DLK1: variants seen among roughly 807,000 people sequenced by gnomAD.
DLK1 encodes delta like non-canonical Notch ligand 1.
Under a neutral mutation model 35.2 loss-of-function variants are expected in DLK1, and 9 were observed. The observed-to-expected ratio is 0.26, with a 90% CI of 0.15 to 0.45. The LOEUF (loss-of-function observed/expected upper bound fraction) is 0.45. Ranked by LOEUF, DLK1 falls within the 20% of genes least tolerant of loss-of-function variation. DLK1 has a pLI of 1.00. For missense variants in DLK1, 522 were observed against 528.5 expected (o/e 0.99, Z 0.12); for synonymous variants, 231 against 228.4 (o/e 1.01, Z -0.10).
chr14:100,730,811 C>T (rs533983042), intron 3 of DLK1, among the ~76,000 whole-genome samples: 10 of 152,338 alleles, frequency 6.6e-5, no homozygotes, highest in South Asian at 2.1e-4. Flanking sequence ...TGCACCAAGC[C>T]GGGCTTCCAT....
At chr14:100,728,345 CT>C in intron 1 of DLK1, 50 bp from the exon 2 acceptor site, 1 of 1,607,770 alleles carries the variant, frequency 6.2e-7, no homozygotes, top group Non-Finnish European at 8.5e-7. Context: ...CAGCCTTTGC[CT>C]TGGCCTGGGG....
At chr14:100,731,899 G>A (rs2036511154) in intron 3 of DLK1, 143 bp from the exon 4 acceptor site, 1 of 1,042,742 alleles carries the variant, frequency 9.6e-7, no homozygotes. Context: ...TCACTTCATG[G>A]GTTTTTTTGA....
intron 1 of DLK1, among the ~76,000 whole-genome samples, chr14:100,727,536 C>T (rs1287636420): frequency 6.6e-6 from 1 of 152,126 alleles, no homozygotes; most frequent in African/African-American, 2.4e-5. Flanking sequence ...ACGACTTTGC[C>T]GTCTTAGCCC....
intron 1 of DLK1, 83 bp downstream of exon 1, chr14:100,727,218 C>G (rs1009062467): frequency 6.4e-5 from 89 of 1,386,174 alleles, no homozygotes; most frequent in African/African-American, 1.0e-4. Flanking sequence ...CCGCACGCCC[C>G]GTCTCGTGAG....
chr14:100,732,296 G>C, intron 4 of DLK1, 113 bp downstream of exon 4: 1 of 1,475,532 alleles, frequency 6.8e-7, no homozygotes, highest in Non-Finnish European at 9.1e-7. Flanking sequence ...TGAAGTAAGC[G>C]CTCATCCTGG....
rs1470857211 is a variant in DLK1, at chr14:100,737,635, A to C, written c.*2739A>C. 1 of 153,054 alleles carries C rather than the reference A, an allele frequency of 6.5e-6. No individual in the cohort carries two copies. Among genetic ancestry groups the C allele is most frequent in the Non-Finnish European group, 1.5e-5 (1 of 68,766 alleles). 9.5% of individuals were successfully genotyped at this position (153,054 alleles called of 1,614,324 possible). ...AGGCAGTGTGCGGAAGCTGCAGGGC[A>C]GGCAGGACGAGGGGGCAGTCTGGAG... On this transcript the variant is annotated 3_prime_UTR_variant, in exon 5 of 5. Transcript: ENST00000341267.
chr14:100,734,433 G>A lies in DLK1; in HGVS notation c.689G>A (p.Ser230Asn). Reference protein sequence around the residue: ...GGTCLQHTQVSYECLCKPEFT... With the variant: ...GGTCLQHTQVNYECLCKPEFT... The stretch of plus-strand genomic sequence containing the variant: ...ACCTGCCTGCAGCACACCCAGGTGA[G>A]CTACGAGTGTCTGTGCAAGCCCGAG... Residue 230 changes from serine (S) to asparagine (N), a missense_variant, in exon 5 of 5, where the codon AGC (serine) becomes AAC (asparagine). By Grantham distance (46) the Ser-to-Asn change is conservative (BLOSUM62 1). Coordinates refer to ENST00000341267, the MANE Select transcript of DLK1 (RefSeq NM_003836.7). This position sits in a 1 kb window ranked among gnomAD's most constrained non-coding sequence, Gnocchi z 7.4. 1 of 1,612,104 alleles carries A rather than the reference G, an allele frequency of 6.2e-7. No individual in the cohort carries two copies. Among genetic ancestry groups the A allele is most frequent in the Non-Finnish European group, 8.5e-7 (1 of 1,179,186 alleles).
chr14:100,734,573 G>T lies in DLK1; in HGVS notation c.829G>T (p.Val277Leu). 10 of 1,613,622 alleles carry T rather than the reference G, an allele frequency of 6.2e-6. No homozygotes were observed. Among genetic ancestry groups the T allele is most frequent in the Non-Finnish European group, 8.5e-6 (10 of 1,180,008 alleles). The change falls in exon 5 of 5, where the codon GTG becomes TTG. Residue 277 changes from valine (V) to leucine (L), a missense_variant. Physicochemically the swap from Val to Leu is conservative, Grantham distance 32 (BLOSUM62 1). Coordinates refer to ENST00000341267, the MANE Select transcript of DLK1 (RefSeq NM_003836.7). The surrounding 1 kb of genome is among the most constrained non-coding windows in gnomAD (Gnocchi z 7.4). ...GACCCCTGGGGTGCACGAGCTGCCGGTGCAGCAGCCGGAGCACCGCATCCT... is the reference window on the plus strand; with the variant it reads ...GACCCCTGGGGTGCACGAGCTGCCGTTGCAGCAGCCGGAGCACCGCATCCT... ...RLTPGVHELPVQQPEHRILKV... is the reference protein window; with the variant it reads ...RLTPGVHELPLQQPEHRILKV...
chr14:100,734,298 G>T lies in DLK1; in HGVS notation c.554G>T (p.Cys185Phe). Reference protein sequence around the residue: ...TPNPCENDGVCTDIGGDFRCR... With the variant: ...TPNPCENDGVFTDIGGDFRCR... ...AACCCATGCGAGAACGACGGCGTCTGCACTGACATTGGGGGCGACTTCCGC... is the reference window on the plus strand; with the variant it reads ...AACCCATGCGAGAACGACGGCGTCTTCACTGACATTGGGGGCGACTTCCGC... Residue 185 changes from cysteine (C) to phenylalanine (F), a missense_variant, in exon 5 of 5, where the codon TGC (cysteine) becomes TTC (phenylalanine). Transcript: ENST00000341267. The surrounding 1 kb of genome is among the most constrained non-coding windows in gnomAD (Gnocchi z 7.4). 6.2e-7 allele frequency: 1 copy of T among 1,613,436 alleles called. No individual in the cohort carries two copies. Among genetic ancestry groups the T allele is most frequent in the Non-Finnish European group, 8.5e-7 (1 of 1,180,004 alleles).
Position 100,734,569 on chromosome 14 carries a change from G to C in DLK1, c.825G>C (p.Leu275=), listed in dbSNP as rs2036548920. The change falls in exon 5 of 5, where the codon CTG becomes CTC. Residue 275 remains leucine, a synonymous_variant. Transcript: ENST00000341267. This position sits in a 1 kb window ranked among gnomAD's most constrained non-coding sequence, Gnocchi z 7.4. ...AYRLTPGVHE[L]PVQQPEHRIL... Reference sequence around the variant, plus strand: ...GCCTGACCCCTGGGGTGCACGAGCTGCCGGTGCAGCAGCCGGAGCACCGCA... The same window carrying C: ...GCCTGACCCCTGGGGTGCACGAGCTCCCGGTGCAGCAGCCGGAGCACCGCA... 1 of 1,613,408 alleles carries C rather than the reference G, an allele frequency of 6.2e-7. No individual in the cohort carries two copies. Among genetic ancestry groups the C allele is most frequent in the African/African-American group, 1.3e-5 (1 of 74,920 alleles).
At position 100,734,392 on chromosome 14, in the gene DLK1, G is replaced by A. The variant is rs756594832; in HGVS notation, c.648G>A (p.Pro216=). The stretch of plus-strand genomic sequence containing the variant: ...CGGTGACCAACTGCGCCAGCAGCCC[G>A]TGCCAGAACGGGGGCACCTGCCTGC... The part of the protein sequence containing the change: ...SRPVTNCASS[P]CQNGGTCLQH... The change falls in exon 5 of 5, where the codon CCG becomes CCA. Residue 216 remains proline, a synonymous_variant. Transcript: ENST00000341267. This position sits in a 1 kb window ranked among gnomAD's most constrained non-coding sequence, Gnocchi z 7.4. The A allele has an allele frequency of 6.3e-5, 102 of 1,611,640 alleles. No homozygotes were observed. The highest frequency in any genetic ancestry group is 6.0e-5 in the Non-Finnish European group (71 of 1,179,082).
At chr14:100,732,299 C>A in intron 4 of DLK1, 116 bp downstream of exon 4, 2 of 1,472,192 alleles carry the variant, frequency 1.4e-6, no homozygotes, top group South Asian at 2.8e-5. Context: ...AGTAAGCGCT[C>A]ATCCTGGCAG....
chr14:100,729,088 C>T (rs755448258), intron 3 of DLK1, 22 bp downstream of exon 3: 15 of 1,612,836 alleles, frequency 9.3e-6, no homozygotes, highest in East Asian at 2.2e-5. Flanking sequence ...CCTTTGTTCA[C>T]CTCAGCTCTG....
rs758560394 is a variant in DLK1, at chr14:100,734,309, G to A, written c.565G>A (p.Gly189Arg). ...GAACGACGGCGTCTGCACTGACATTGGGGGCGACTTCCGCTGCCGGTGCCC... is the reference window on the plus strand; with the variant it reads ...GAACGACGGCGTCTGCACTGACATTAGGGGCGACTTCCGCTGCCGGTGCCC... ...CENDGVCTDI[G>R]GDFRCRCPAG... is the part of the protein sequence containing the mutation. Residue 189 changes from glycine to arginine, a missense_variant, in exon 5 of 5, where the codon GGG (glycine) becomes AGG (arginine). By Grantham distance (125) the Gly-to-Arg change is moderately radical (BLOSUM62 -2). Transcript: ENST00000341267. The surrounding 1 kb of genome is among the most constrained non-coding windows in gnomAD (Gnocchi z 7.4). The A allele has an allele frequency of 6.2e-6, 10 of 1,612,370 alleles. No individual in the cohort carries two copies. The highest frequency in any genetic ancestry group is 4.5e-5 in the East Asian group (2 of 44,850).
intron 1 of DLK1, 38 bp from the exon 2 acceptor site, chr14:100,728,358 C>T (rs767265253): frequency 1.9e-6 from 3 of 1,611,520 alleles, no homozygotes; most frequent in Non-Finnish European, 8.5e-7. Context: ...GGCCTGGGGC[C>T]TGGTGGGGTG....
At chr14:100,733,532 C>T (rs2036532618) in intron 4 of DLK1, among the ~76,000 whole-genome samples, 1 of 152,106 alleles carries the variant, frequency 6.6e-6, no homozygotes, top group South Asian at 2.1e-4. Context: ...TGAGAGTCCC[C>T]AAGCGCTTCC....
intron 3 of DLK1, chr14:100,729,329 C>T (rs1234249355): frequency 1.5e-6 from 1 of 657,770 alleles, no homozygotes; most frequent in Non-Finnish European, 2.7e-6. Flanking sequence ...AGGGAGCTGC[C>T]TGTTGAATAA....
rs552940267 is a variant in DLK1, at chr14:100,730,178, C to T, written c.262+1112C>T. 3.9e-5 allele frequency among the ~76,000 whole-genome samples: 6 copies of T among 152,288 alleles called. No individual in the cohort carries two copies. In the East Asian group the frequency reaches 5.8e-4, roughly 15 times the overall value. ...CCTGCAATATGGTGCAAGGTTTACC[C>T]GCAGCTGACTCATGCTCTGGCCAGC... On this transcript the variant is annotated intron_variant, in intron 3 of 4. Coordinates refer to ENST00000341267, the MANE Select transcript of DLK1 (RefSeq NM_003836.7).
chr14:100,728,620 G>GT (rs1208150802), intron 2 of DLK1, 161 bp downstream of exon 2: 2 of 228,748 alleles, frequency 8.7e-6, no homozygotes, highest in Non-Finnish European at 1.8e-5. Flanking sequence ...GGAGATGGGG[G>GT]GGGCGGGGGG....
Sources: gnomAD v4.1 joint callset for allele counts (sites outside exome capture counted in the v4.1 genomes callset) on GRCh38, gnomAD v4.1.1 for gene constraint, Gnocchi (gnomAD v3.1) non-coding constraint, MANE v1.5 for transcripts, NCBI Gene and HGNC (gene_info 2026-07-23, HGNC 2026-07-21) for gene names.